The following OOSP4A variants were observed in gnomAD, a reference collection of about 807,000 sequenced individuals.
OOSP4A encodes the protein oocyte-secreted protein 4A.
chr11:59,964,154 T>TC, intron 1 of OOSP4A, 55 bp downstream of exon 1: 1 of 394,926 alleles, frequency 2.5e-6, no homozygotes, highest in Non-Finnish European at 4.5e-6. Context: ...AGGGCTTTTT[T>TC]TTTTTTTTTT....
chr11:59,964,429 G>A (rs1338695956), intron 1 of OOSP4A, among the ~76,000 whole-genome samples: 1 of 152,008 alleles, frequency 6.6e-6, no homozygotes, highest in Admixed American at 6.6e-5. Flanking sequence ...GGCAAAATCA[G>A]GAGAGACTGC....
At chr11:59,968,847 G>C (rs1854129080) in intron 3 of OOSP4A, among the ~76,000 whole-genome samples, 1 of 152,218 alleles carries the variant, frequency 6.6e-6, no homozygotes, top group Admixed American at 6.5e-5. Flanking sequence ...GAGATGATTA[G>C]AGATAAGAGC....
chr11:59,968,575 AG>A (rs1161821596), intron 3 of OOSP4A, among the ~76,000 whole-genome samples: 4 of 152,208 alleles, frequency 2.6e-5, no homozygotes, highest in Non-Finnish European at 5.9e-5. Context: ...GTCATACTAC[AG>A]TTCATGGTGG....
intron 4 of OOSP4A, among the ~76,000 whole-genome samples, chr11:59,969,727 A>G (rs1463689162): frequency 6.6e-6 from 1 of 152,234 alleles, no homozygotes; most frequent in Non-Finnish European, 1.5e-5. Context: ...GGACTTTAGT[A>G]TGCTAGAGGG....
intron 2 of OOSP4A, among the ~76,000 whole-genome samples, chr11:59,966,237 G>T (rs1051615124): frequency 6.7e-6 from 1 of 148,932 alleles, no homozygotes; most frequent in African/African-American, 2.5e-5. Flanking sequence ...TTCATTTTTG[G>T]TATCACATCT....
chr11:59,970,163 A>T, downstream of OOSP4A: 1 of 397,822 alleles, frequency 2.5e-6, no homozygotes, highest in Non-Finnish European at 4.4e-6. Context: ...TGGCTGCTTG[A>T]GGATTTCATT....
exon 2 of OOSP4A, chr11:59,965,580 G>A (rs1489411641): frequency 1.5e-5 from 6 of 398,368 alleles, no homozygotes; most frequent in Middle Eastern, 6.2e-4. Context: ...AAACTTAGAC[G>A]AACGCCGCTG....
chr11:59,964,637 T>C (rs1854078716), intron 1 of OOSP4A, among the ~76,000 whole-genome samples: 1 of 152,166 alleles, frequency 6.6e-6, no homozygotes, highest in Admixed American at 6.5e-5. Flanking sequence ...TGTGTAAATA[T>C]GGGATAATAA....
At chr11:59,964,074 C>A (rs768477459) in exon 1 of OOSP4A, 1 of 393,482 alleles carries the variant, frequency 2.5e-6, no homozygotes, top group East Asian at 3.6e-5. Context: ...TCATGCTTTT[C>A]GAGTTGATTC....
chr11:59,966,952 TAAAGTAAAAATA>T (rs1854105992), intron 2 of OOSP4A, 103 bp from the exon 3 acceptor site: 1 of 382,982 alleles, frequency 2.6e-6, no homozygotes, highest in Non-Finnish European at 4.6e-6. Context: ...TTTTATTTCA[TAAAGTAAAAATA>T]AAAGTAAAAA....
chr11:59,966,545 G>T (rs184709388), intron 2 of OOSP4A, among the ~76,000 whole-genome samples: 14 of 151,148 alleles, frequency 9.3e-5, no homozygotes, highest in Admixed American at 9.2e-4. Flanking sequence ...GCACAATCTC[G>T]GCTCACTGCA....
At chr11:59,965,971 G>GTTT (rs999114043) in intron 2 of OOSP4A, among the ~76,000 whole-genome samples, 1 of 150,618 alleles carries the variant, frequency 6.6e-6, no homozygotes, top group African/African-American at 2.5e-5. Flanking sequence ...CTGTGATAGT[G>GTTT]TTTTTTTTGT....
In OOSP4A at chr11:59,965,415, C is replaced by T. The variant is rs192434236; in HGVS notation, c.68-120C>T. On this transcript the variant is annotated intron_variant, in intron 1 of 4. Transcript: ENST00000645590. Reference sequence around the variant, plus strand: ...CAGTGGAAAAATATACAAATAGGAGCAAAACATTTTCACTCTACAGTTGGG... The same window carrying T: ...CAGTGGAAAAATATACAAATAGGAGTAAAACATTTTCACTCTACAGTTGGG... The T allele has an allele frequency of 2.7e-3, 1,055 of 396,388 alleles. 25 individuals are homozygous for T. In the Admixed American group the frequency reaches 0.038, roughly 14 times the overall value. 24.6% of individuals were successfully genotyped at this position (396,388 alleles called of 1,614,324 possible). A position where few individuals can be genotyped will look rare whatever the true frequency, so the allele number is the denominator to read the frequency against.
At position 59,969,037 on chromosome 11, in the gene OOSP4A, T is replaced by G. The variant is rs148066618; in HGVS notation, c.345-113T>G. On this transcript the variant is annotated intron_variant, in intron 3 of 4. Transcript: ENST00000645590. ...CTCAGCTAGCTGATTTGGCATTCTCTCACAGCTGGAAGAGATCTGTTTAAT... is the reference window on the plus strand; with the variant it reads ...CTCAGCTAGCTGATTTGGCATTCTCGCACAGCTGGAAGAGATCTGTTTAAT... 384 of 394,932 alleles carry G rather than the reference T, an allele frequency of 9.7e-4. 1 individual carries two copies. The highest frequency in any genetic ancestry group is 6.5e-3 in the African/African-American group (317 of 48,670). 24.5% of individuals were successfully genotyped at this position (394,932 alleles called of 1,614,324 possible).
Position 59,966,363 on chromosome 11 carries a change from G to A in OOSP4A, c.246+650G>A, listed in dbSNP as rs140890755. On this transcript the variant is annotated intron_variant, in intron 2 of 4. Coordinates refer to ENST00000645590, the Ensembl canonical transcript of OOSP4A. The stretch of plus-strand genomic sequence containing the variant: ...TCAAAAAAAAAAAGTCTAGTATTTG[G>A]CAAGTACTCAATTTAGCATGAGGCT... Among the ~76,000 whole-genome samples the A allele has an allele frequency of 1.6e-3, 244 of 151,242 alleles. 1 individual carries two copies. The highest frequency in any genetic ancestry group is 5.6e-3 in the African/African-American group (232 of 41,286).
intron 4 of OOSP4A, among the ~76,000 whole-genome samples, chr11:59,969,594 C>T (rs971650305): frequency 1.8e-4 from 27 of 152,098 alleles, no homozygotes; most frequent in African/African-American, 5.6e-4. Flanking sequence ...CATGGATTCC[C>T]GTAAAGATAG....
intron 4 of OOSP4A, among the ~76,000 whole-genome samples, chr11:59,969,845 A>G (rs1194432804): frequency 6.6e-6 from 1 of 152,220 alleles, no homozygotes; most frequent in African/African-American, 2.4e-5. Flanking sequence ...ACTAATAGCT[A>G]CATATACACA....
chr11:59,965,983 GT>G (rs1854094598), intron 2 of OOSP4A, among the ~76,000 whole-genome samples: 1 of 151,590 alleles, frequency 6.6e-6, no homozygotes, highest in Non-Finnish European at 1.5e-5. Flanking sequence ...TTTTTTTGTT[GT>G]TGTTGTTGTT....
intron 3 of OOSP4A, among the ~76,000 whole-genome samples, chr11:59,967,997 G>T (rs1417269591): frequency 6.6e-6 from 1 of 151,986 alleles, no homozygotes; most frequent in Non-Finnish European, 1.5e-5. Flanking sequence ...CAGCATCTTT[G>T]GTCCTTCTCA....
Sources: gnomAD v4.1 joint callset for allele counts (sites outside exome capture counted in the v4.1 genomes callset) on GRCh38, gnomAD v4.1.1 for gene constraint, MANE v1.5 for transcripts, NCBI Gene and HGNC (gene_info 2026-07-23, HGNC 2026-07-21) for gene names.